Variants in SLC2A4RG observed in about 807,000 individuals in gnomAD.
SLC2A4RG encodes the protein SLC2A4 regulator, also known as GLUT4 enhancer factor.
SLC2A4RG carries 23 observed loss-of-function variants against 35.5 expected under a neutral mutation model. That is an observed-to-expected ratio of 0.65 (90% CI 0.47 to 0.92). SLC2A4RG has a LOEUF of 0.92. SLC2A4RG is among the 40% of genes least tolerant of loss of function. The pLI is 0.00. For synonymous variants in SLC2A4RG, 306 were observed against 243.7 expected (o/e 1.26, Z -2.38); for missense variants, 539 against 525.0 (o/e 1.03, Z -0.26).
At position 63,741,373 on chromosome 20, in the gene SLC2A4RG, C is replaced by T. The variant is rs1007063388; in HGVS notation, c.285C>T (p.Ala95=). 5.6e-6 allele frequency: 9 copies of T among 1,612,604 alleles called. No individual in the cohort carries two copies. The highest frequency in any genetic ancestry group is 1.7e-4 in the Middle Eastern group (1 of 5,882). ...ACCCCGCCCCCATCTCCTCCAGAGC[C>T]ACCCCAGGAAAAGCCCGGCTGGACG... is the stretch of plus-strand genomic sequence containing the variant. ...SAHIPVPAQR[A]TPGKARLDEV... is the part of the protein sequence containing the mutation. The change falls in exon 3 of 8, where the codon GCC becomes GCT. Residue 95 remains alanine (A), a synonymous_variant. Coordinates refer to ENST00000266077, the MANE Select transcript of SLC2A4RG (RefSeq NM_020062.4).
rs1177911105 is a variant in SLC2A4RG at position 63,743,121 on chromosome 20, GT to G, written c.*132del. ...GCTGCAGGGTCTGCTTTTACTTGGG[GT>G]GGGGGGGCGGGGCTGACCCTGAACC... On this transcript the variant is annotated 3_prime_UTR_variant, in exon 8 of 8. Transcript: ENST00000266077. 3 of 385,894 alleles carry G rather than the reference GT, an allele frequency of 7.8e-6. No individual in the cohort carries two copies. Among genetic ancestry groups the G allele is most frequent in the African/African-American group, 2.1e-5 (1 of 47,728 alleles). 23.9% of individuals were successfully genotyped at this position (385,894 alleles called of 1,614,324 possible). A position where few individuals can be genotyped will look rare whatever the true frequency, so the allele number is the denominator to read the frequency against.
chr20:63,740,483 C>T lies in SLC2A4RG; in HGVS notation c.233C>T (p.Ala78Val). 3 of 1,229,538 alleles carry T rather than the reference C, an allele frequency of 2.4e-6. No homozygotes were observed. The highest frequency in any genetic ancestry group is 3.0e-6 in the Non-Finnish European group (3 of 986,072). The allele number at this position is 1,229,538 out of a possible 1,614,324, so 76.2% of individuals were successfully genotyped here. The change falls in exon 2 of 8, where the codon GCG becomes GTG. Residue 78 changes from alanine to valine, a missense_variant. Ala to Val is a moderately conservative substitution (Grantham distance 64). Coordinates refer to ENST00000266077, the MANE Select transcript of SLC2A4RG (RefSeq NM_020062.4). ...GCCCCCCGGACGTGGACGGGGGCGG[C>T]GGCGGGGCCCCGGACTCCGTCGGCG... ...LGAPRTWTGA[A>V]AGPRTPSAHI...
intron 1 of SLC2A4RG, 164 bp from the exon 2 acceptor site, chr20:63,740,212 TC>T: frequency 2.6e-6 from 1 of 386,106 alleles, no homozygotes; most frequent in Non-Finnish European, 3.6e-6. Flanking sequence ...GGGGAGCCCT[TC>T]CCGCCGCGCC....
At chr20:63,740,648 A>AC (rs1289054263) in intron 2 of SLC2A4RG, 117 bp downstream of exon 2, 7 of 1,032,796 alleles carry the variant, frequency 6.8e-6, no homozygotes, top group Non-Finnish European at 8.7e-6. Context: ...ATTACCAGCC[A>AC]CCCCCAAGCT....
rs770666865 is a variant in SLC2A4RG at position 63,742,251 on chromosome 20, C to T, written c.680+21C>T. ...CTGGGGTGCGGCGGGGCCTGGGGTG[C>T]GGCGGGGCCTGCGGGTTGGCTGGGG... On this transcript the variant is annotated intron_variant, in intron 5 of 7. Coordinates refer to ENST00000266077, the MANE Select transcript of SLC2A4RG (RefSeq NM_020062.4). 89 of 1,583,550 alleles carry T rather than the reference C, an allele frequency of 5.6e-5. 1 individual carries two copies. The highest frequency in any genetic ancestry group is 1.4e-4 in the Admixed American group (8 of 55,838).
chr20:63,742,761 C>G lies in SLC2A4RG; in HGVS notation c.1023C>G (p.Ala341=), dbSNP rs945571790. 2.5e-5 allele frequency: 40 copies of G among 1,593,776 alleles called. No homozygotes were observed. The highest frequency in any genetic ancestry group is 3.3e-5 in the Non-Finnish European group (39 of 1,171,554). ...QPTEVGACPP[A]LSSRIGVTLR... Reference sequence around the variant, plus strand: ...CGGAGGTCGGAGCCTGCCCACCCGCCTTGTCCTCCAGGATCGGAGTCACCC... The same window carrying G: ...CGGAGGTCGGAGCCTGCCCACCCGCGTTGTCCTCCAGGATCGGAGTCACCC... The change falls in exon 7 of 8, where the codon GCC becomes GCG. Residue 341 remains alanine (A), a synonymous_variant. Coordinates refer to ENST00000266077, the MANE Select transcript of SLC2A4RG (RefSeq NM_020062.4).
At chr20:63,741,575 C>T in intron 3 of SLC2A4RG, 96 bp downstream of exon 3, 1 of 1,231,792 alleles carries the variant, frequency 8.1e-7, no homozygotes. Context: ...AGCCCTCAAA[C>T]CTGGGACTCC....
intron 3 of SLC2A4RG, 22 bp from the exon 4 acceptor site, chr20:63,741,847 C>T (rs755525390): frequency 8.5e-5 from 133 of 1,558,710 alleles, no homozygotes; most frequent in African/African-American, 2.3e-4. Flanking sequence ...AGTTCTAAGG[C>T]GGGGGGCCCG....
rs6742 is a variant in SLC2A4RG, at chr20:63,743,088, T to C, written c.*98T>C. 417,077 of 525,218 alleles carry C rather than the reference T, an allele frequency of 0.79. 164,719 individuals carry two copies. The highest frequency in any genetic ancestry group is 0.97 in the East Asian group (20,858 of 21,474). 32.5% of individuals were successfully genotyped at this position (525,218 alleles called of 1,614,324 possible). On this transcript the variant is annotated 3_prime_UTR_variant, in exon 8 of 8. Transcript: ENST00000266077. ...CCCGAGGACAGCCCCAGGGGCTGGC[T>C]TTCACCAGCTGCAGGGTCTGCTTTT...
intron 1 of SLC2A4RG, 35 bp from the exon 2 acceptor site, chr20:63,740,342 C>T: frequency 8.2e-7 from 1 of 1,220,012 alleles, no homozygotes; most frequent in East Asian, 3.2e-5. Flanking sequence ...CCCCGGCCAC[C>T]GCCTCCGCTG....
In SLC2A4RG at chr20:63,743,070, ACAGCCCCAGGGG is replaced by A. The variant is rs1368198475; in HGVS notation, c.*82_*93del. 9.2e-6 allele frequency: 9 copies of A among 979,050 alleles called. No individual in the cohort carries two copies. Among genetic ancestry groups the A allele is most frequent in the Non-Finnish European group, 1.2e-5 (9 of 724,602 alleles). The allele number at this position is 979,050 out of a possible 1,614,324, so 60.6% of individuals were successfully genotyped here. A position where few individuals can be genotyped will look rare whatever the true frequency, so the allele number is the denominator to read the frequency against. On this transcript the variant is annotated 3_prime_UTR_variant, in exon 8 of 8. Transcript: ENST00000266077. ...GGCCCGGGGCTGAAACAGCCCGAGG[ACAGCCCCAGGGG>A]CTGGCTTTCACCAGCTGCAGGGTCT... is the stretch of plus-strand genomic sequence containing the variant.
Position 63,742,878 on chromosome 20 carries a change from G to A in SLC2A4RG, c.1053-1G>A, listed in dbSNP as rs2092051531. On this transcript the variant is annotated splice_acceptor_variant, in intron 7 of 7. Transcript: ENST00000266077. LOFTEE classifies it high-confidence loss of function. ...CCCATGTCCTGTGACCCCCCGCACA[G>A]GAAGCCCCGCGGCGACGCGAAGAAG... 1.2e-6 allele frequency: 2 copies of A among 1,610,668 alleles called. No homozygotes were observed. Among genetic ancestry groups the A allele is most frequent in the East Asian group, 2.2e-5 (1 of 44,830 alleles).
Position 63,743,278 on chromosome 20 carries a change from G to A in SLC2A4RG, c.*288G>A, listed in dbSNP as rs567084524. ...GGGCCCTGGGGGCAGCCACCCTCCC[G>A]CCTGTCGGCCCGTAGATTTATCAAG... On this transcript the variant is annotated 3_prime_UTR_variant, in exon 8 of 8. Coordinates refer to ENST00000266077, the MANE Select transcript of SLC2A4RG (RefSeq NM_020062.4). The A allele has an allele frequency of 7.5e-4, 224 of 296,770 alleles. No individual in the cohort carries two copies. The highest frequency in any genetic ancestry group is 1.1e-3 in the Non-Finnish European group (173 of 157,164). The allele number at this position is 296,770 out of a possible 1,614,324, so 18.4% of individuals were successfully genotyped here.
intron 3 of SLC2A4RG, 118 bp from the exon 4 acceptor site, chr20:63,741,751 C>T (rs1207107390): frequency 4.2e-6 from 6 of 1,438,340 alleles, no homozygotes; most frequent in Non-Finnish European, 5.5e-6. Context: ...CTGGGGCCAG[C>T]TCCTCCAAGA....
Position 63,742,000 on chromosome 20 carries a change from C to A in SLC2A4RG, c.523C>A (p.Leu175Met). 1 of 1,613,072 alleles carries A rather than the reference C, an allele frequency of 6.2e-7. No homozygotes were observed. Among genetic ancestry groups the A allele is most frequent in the Non-Finnish European group, 8.5e-7 (1 of 1,179,772 alleles). Residue 175 changes from leucine to methionine, a missense_variant, in exon 4 of 8, where the codon CTG becomes ATG. Coordinates refer to ENST00000266077, the MANE Select transcript of SLC2A4RG (RefSeq NM_020062.4). ...QSSPSTPSPPLPPEAAHFLFG... is the reference protein window; with the variant it reads ...QSSPSTPSPPMPPEAAHFLFG... ...CTCTCCGTCCACCCCGTCACCCCCA[C>A]TGCCCCCCGAGGCAGCCCACTTTCT...
At position 63,742,384 on chromosome 20, in the gene SLC2A4RG, C is replaced by A. The variant is rs2092047463; in HGVS notation, c.729C>A (p.Tyr243Ter). The stretch of plus-strand genomic sequence containing the variant: ...GTGATGGTGAGGAGGACTTCTACTA[C>A]ACAGAGCTGGATGTTGGTGTGGACA... ...EQSDGEEDFY[Y>*]TELDVGVDTL... is the part of the protein sequence containing the mutation. The change falls in exon 6 of 8, where the codon TAC becomes TAA. Residue 243 changes from tyrosine to a stop codon, truncating the protein, a stop_gained. Coordinates refer to ENST00000266077, the MANE Select transcript of SLC2A4RG (RefSeq NM_020062.4). LOFTEE classifies it high-confidence loss of function. 1 of 1,611,744 alleles carries A rather than the reference C, an allele frequency of 6.2e-7. No individual in the cohort carries two copies. Among genetic ancestry groups the A allele is most frequent in the Non-Finnish European group, 8.5e-7 (1 of 1,179,384 alleles).
rs1601365230 is a variant in SLC2A4RG, at chr20:63,740,575, G to T, written c.281+44G>T. ...GCCTCGGGACTCGGTGTGCGCAGGG[G>T]CGGTGGGTGGGGTGCGGAGACACCG... On this transcript the variant is annotated intron_variant, in intron 2 of 7. Transcript: ENST00000266077. 7 of 1,227,114 alleles carry T rather than the reference G, an allele frequency of 5.7e-6. No individual in the cohort carries two copies. The East Asian group carries it at 2.2e-4, about 39-fold the overall frequency. The allele number at this position is 1,227,114 out of a possible 1,614,324, so 76.0% of individuals were successfully genotyped here.
At position 63,741,852 on chromosome 20, in the gene SLC2A4RG, G is replaced by A. The variant is rs540282091; in HGVS notation, c.392-17G>A. On this transcript the variant is annotated splice_polypyrimidine_tract_variant and intron_variant, in intron 3 of 7. Transcript: ENST00000266077. ...ACCCACCCGAAGTTCTAAGGCGGGGGGCCCGTGTCCCCACAGAGCCTGGCC... is the reference window on the plus strand; with the variant it reads ...ACCCACCCGAAGTTCTAAGGCGGGGAGCCCGTGTCCCCACAGAGCCTGGCC... The A allele has an allele frequency of 6.4e-7, 1 of 1,567,134 alleles. No individual in the cohort carries two copies. Among genetic ancestry groups the A allele is most frequent in the African/African-American group, 1.4e-5 (1 of 73,662 alleles).
In SLC2A4RG at chr20:63,742,331, C is replaced by A; in HGVS notation, c.681-5C>A. ...GCTCCCACTGGCTGGCTGTGTCTCC[C>A]GCAGGAGGCAGGCAGAGCCTGAGCA... On this transcript the variant is annotated splice_region_variant and splice_polypyrimidine_tract_variant and intron_variant, in intron 5 of 7. Transcript: ENST00000266077. The A allele has an allele frequency of 1.2e-6, 2 of 1,606,856 alleles. No individual in the cohort carries two copies. Among genetic ancestry groups the A allele is most frequent in the Non-Finnish European group, 1.7e-6 (2 of 1,176,292 alleles).
Sources: gnomAD v4.1 joint callset for allele counts on GRCh38, gnomAD v4.1.1 for gene constraint, MANE v1.5 for transcripts, NCBI Gene and HGNC (gene_info 2026-07-23, HGNC 2026-07-21) for gene names.